Variants in RELL2 observed in about 807,000 individuals in gnomAD.
The protein encoded by RELL2 is RELT-like protein 2.
RELL2 carries 18 observed loss-of-function variants against 27.5 expected under a neutral mutation model. That is an observed-to-expected ratio of 0.65 (90% confidence interval 0.45 to 0.97). The LOEUF (loss-of-function observed/expected upper bound fraction) is 0.97, where lower values mean the gene tolerates loss of function less well. RELL2 is among the 50% of genes least tolerant of loss of function. The pLI is 0.00. For missense variants in RELL2, 370 were observed against 397.5 expected (o/e 0.93, Z 0.59); for synonymous variants, 156 against 147.5 (o/e 1.06, Z -0.42).
Position 141,638,179 on chromosome 5 carries a change from C to T in RELL2, c.-47C>T. ...CCTCCCCCATTCCCAGCTGCAGCCC[C>T]CTAAACCCAGGAGGCGCCCTGGCCC... On this transcript the variant is annotated 5_prime_UTR_variant, in exon 1 of 7. Coordinates refer to ENST00000297164, the MANE Select transcript of RELL2 (RefSeq NM_173828.5). The T allele has an allele frequency of 1.4e-6, 2 of 1,478,512 alleles. No homozygotes were observed. The highest frequency in any genetic ancestry group is 9.3e-7 in the Non-Finnish European group (1 of 1,073,982). The allele number at this position is 1,478,512 out of a possible 1,614,324, so 91.6% of individuals were successfully genotyped here.
Position 141,639,391 on chromosome 5 carries a change from G to C in RELL2, c.318-73G>C. 7.5e-7 allele frequency: 1 copy of C among 1,336,124 alleles called. No individual in the cohort carries two copies. The highest frequency in any genetic ancestry group is 1.4e-5 in the South Asian group (1 of 71,476). The allele number at this position is 1,336,124 out of a possible 1,614,324, so 82.8% of individuals were successfully genotyped here. On this transcript the variant is annotated intron_variant, in intron 3 of 6. Transcript: ENST00000297164. The surrounding 1 kb of genome is among the most constrained non-coding windows in gnomAD (Gnocchi z 4.4). ...CTTCTGGGGTTTTAAGGAGCATGCT[G>C]AAAGAACGTAAGAAACAAAACATGA... is the stretch of plus-strand genomic sequence containing the variant.
At chr5:141,638,538 T>A in intron 1 of RELL2, 129 bp downstream of exon 1, 1 of 913,926 alleles carries the variant, frequency 1.1e-6, no homozygotes, top group Non-Finnish European at 1.6e-6. Context: ...GATGCACTCT[T>A]GAGTTAGCAA....
In RELL2 at chr5:141,640,916, G is replaced by T; in HGVS notation, c.*247G>T. The T allele has an allele frequency of 1.9e-6, 1 of 540,484 alleles. No homozygotes were observed. Among genetic ancestry groups the T allele is most frequent in the Non-Finnish European group, 3.3e-6 (1 of 306,432 alleles). The allele number at this position is 540,484 out of a possible 1,614,324, so 33.5% of individuals were successfully genotyped here. On this transcript the variant is annotated 3_prime_UTR_variant, in exon 7 of 7. Coordinates refer to ENST00000297164, the MANE Select transcript of RELL2 (RefSeq NM_173828.5). ...CCAACACCTCGCTCCATATGATAGAGCGTGGCAGCTGGGAGCAGGCCCCTG... is the reference window on the plus strand; with the variant it reads ...CCAACACCTCGCTCCATATGATAGATCGTGGCAGCTGGGAGCAGGCCCCTG...
In RELL2 at chr5:141,640,809, G is replaced by A; in HGVS notation, c.*140G>A. 2.5e-6 allele frequency: 2 copies of A among 812,968 alleles called. No individual in the cohort carries two copies. Among genetic ancestry groups the A allele is most frequent in the Non-Finnish European group, 3.8e-6 (2 of 528,238 alleles). 50.4% of individuals were successfully genotyped at this position (812,968 alleles called of 1,614,324 possible). On this transcript the variant is annotated 3_prime_UTR_variant, in exon 7 of 7. Coordinates refer to ENST00000297164, the MANE Select transcript of RELL2 (RefSeq NM_173828.5). ...TTCCACCTGGAGTTGCACAGTCTCA[G>A]GCTGGGGGCCTCAGGAGAGGTCACA...
At position 141,639,471 on chromosome 5, in the gene RELL2, G is replaced by A; in HGVS notation, c.325G>A (p.Ala109Thr). ...EGTVQLSSVD[A>T]TSSLQDGAPS... ...CTCCTCCCTGCTGTCCAGTGTGGAT[G>A]CCACCTCCAGCCTGCAGGACGGAGC... The change falls in exon 4 of 7, where the codon GCC (alanine) becomes ACC (threonine). Residue 109 changes from alanine to threonine, a missense_variant. Coordinates refer to ENST00000297164, the MANE Select transcript of RELL2 (RefSeq NM_173828.5). This position sits in a 1 kb window ranked among gnomAD's most constrained non-coding sequence, Gnocchi z 4.4. 1 of 1,610,426 alleles carries A rather than the reference G, an allele frequency of 6.2e-7. No homozygotes were observed. The highest frequency in any genetic ancestry group is 8.5e-7 in the Non-Finnish European group (1 of 1,177,626).
Position 141,639,103 on chromosome 5 carries a change from C to T in RELL2, c.317+82C>T. 8.0e-7 allele frequency: 1 copy of T among 1,245,854 alleles called. No individual in the cohort carries two copies. The highest frequency in any genetic ancestry group is 1.5e-5 in the African/African-American group (1 of 67,008). 77.2% of individuals were successfully genotyped at this position (1,245,854 alleles called of 1,614,324 possible). A position where few individuals can be genotyped will look rare whatever the true frequency, so the allele number is the denominator to read the frequency against. On this transcript the variant is annotated intron_variant, in intron 3 of 6. Transcript: ENST00000297164. This position sits in a 1 kb window ranked among gnomAD's most constrained non-coding sequence, Gnocchi z 4.4. ...TCCAGCACAATCCTCTCCCAGCCTC[C>T]TTGCATGTATGGGGTTGGGGGAAGG...
At position 141,639,761 on chromosome 5, in the gene RELL2, G is replaced by A; in HGVS notation, c.503+112G>A. ...TCCTCCTGGACTGGGAGCTCCGGCAGAAGTCAGGCTACACAATGTGCCCCA... is the reference window on the plus strand; with the variant it reads ...TCCTCCTGGACTGGGAGCTCCGGCAAAAGTCAGGCTACACAATGTGCCCCA... On this transcript the variant is annotated intron_variant, in intron 4 of 6. Coordinates refer to ENST00000297164, the MANE Select transcript of RELL2 (RefSeq NM_173828.5). The surrounding 1 kb of genome is among the most constrained non-coding windows in gnomAD (Gnocchi z 4.4). 7.7e-7 allele frequency: 1 copy of A among 1,295,324 alleles called. No individual in the cohort carries two copies. Among genetic ancestry groups the A allele is most frequent in the Non-Finnish European group, 1.1e-6 (1 of 926,222 alleles). 80.2% of individuals were successfully genotyped at this position (1,295,324 alleles called of 1,614,324 possible).
At chr5:141,638,530 T>C (rs1209744751) in intron 1 of RELL2, 121 bp downstream of exon 1, 3 of 981,766 alleles carry the variant, frequency 3.1e-6, no homozygotes, top group Non-Finnish European at 4.5e-6. Context: ...AGCCTAGTGA[T>C]GCACTCTTGA....
chr5:141,640,475 A>G, intron 6 of RELL2, 30 bp downstream of exon 6: 1 of 1,614,024 alleles, frequency 6.2e-7, no homozygotes, highest in Non-Finnish European at 8.5e-7. Flanking sequence ...AAATGAGGTA[A>G]TCTCATCTTC....
chr5:141,639,816 C>G lies in RELL2; in HGVS notation c.504-104C>G, dbSNP rs1209790052. 7.3e-7 allele frequency: 1 copy of G among 1,371,876 alleles called. No homozygotes were observed. The highest frequency in any genetic ancestry group is 1.0e-6 in the Non-Finnish European group (1 of 974,820). 85.0% of individuals were successfully genotyped at this position (1,371,876 alleles called of 1,614,324 possible). A position where few individuals can be genotyped will look rare whatever the true frequency, so the allele number is the denominator to read the frequency against. On this transcript the variant is annotated intron_variant, in intron 4 of 6. Transcript: ENST00000297164. This position sits in a 1 kb window ranked among gnomAD's most constrained non-coding sequence, Gnocchi z 4.4. The stretch of plus-strand genomic sequence containing the variant: ...CTGAGAAGGCCTCCCCTACCTTAGG[C>G]CAGAGGGAAGTAGCCACCAAACTCA...
At position 141,639,983 on chromosome 5, in the gene RELL2, AGACAGGAGCTGGGGCTCTGGTGGGG is replaced by A; in HGVS notation, c.575_599del (p.Ser192ThrfsTer33). ...ACGAACACCGTGATGGCTCCCCCAC[AGACAGGAGCTGGGGCTCTGGTGGGG>A]GACAGGACCCAGGGGGTGGTCAGGG... On this transcript the variant is annotated frameshift_variant, in exon 5 of 7. Coordinates refer to ENST00000297164, the MANE Select transcript of RELL2 (RefSeq NM_173828.5). LOFTEE classifies it high-confidence loss of function. This position sits in a 1 kb window ranked among gnomAD's most constrained non-coding sequence, Gnocchi z 4.4. 6.2e-7 allele frequency: 1 copy of A among 1,613,764 alleles called. No homozygotes were observed. Among genetic ancestry groups the A allele is most frequent in the Non-Finnish European group, 8.5e-7 (1 of 1,179,856 alleles).
At position 141,639,080 on chromosome 5, in the gene RELL2, C is replaced by A; in HGVS notation, c.317+59C>A. 10 of 1,396,692 alleles carry A rather than the reference C, an allele frequency of 7.2e-6. No homozygotes were observed. The highest frequency in any genetic ancestry group is 1.2e-5 in the South Asian group (1 of 82,420). The allele number at this position is 1,396,692 out of a possible 1,614,324, so 86.5% of individuals were successfully genotyped here. ...TTGCCTTGGAGAGTATCCTCTCCTCCAGCACAATCCTCTCCCAGCCTCCTT... is the reference window on the plus strand; with the variant it reads ...TTGCCTTGGAGAGTATCCTCTCCTCAAGCACAATCCTCTCCCAGCCTCCTT... On this transcript the variant is annotated intron_variant, in intron 3 of 6. Coordinates refer to ENST00000297164, the MANE Select transcript of RELL2 (RefSeq NM_173828.5). The surrounding 1 kb of genome is among the most constrained non-coding windows in gnomAD (Gnocchi z 4.4).
intron 1 of RELL2, 25 bp from the exon 2 acceptor site, chr5:141,638,770 C>T: frequency 6.2e-7 from 1 of 1,609,114 alleles, no homozygotes; most frequent in Non-Finnish European, 8.5e-7. Flanking sequence ...TTCCTGCTTC[C>T]TTGCCAATCT....
At position 141,640,412 on chromosome 5, in the gene RELL2, G is replaced by A; in HGVS notation, c.880G>A (p.Val294Met). The A allele has an allele frequency of 1.2e-6, 2 of 1,614,146 alleles. No homozygotes were observed. The highest frequency in any genetic ancestry group is 1.7e-6 in the Non-Finnish European group (2 of 1,180,010). Residue 294 changes from valine (V) to methionine (M), a missense_variant and splice_region_variant, in exon 6 of 7, where the codon GTG becomes ATG. Val to Met is a conservative substitution (Grantham distance 21). Coordinates refer to ENST00000297164, the MANE Select transcript of RELL2 (RefSeq NM_173828.5). The stretch of plus-strand genomic sequence containing the variant: ...TGTTGACCCCTCCCCTTTCTCTCAG[G>A]TGTCTCTACCACAGGGAGCAGGGAG... ...PSKPDTSDHQ[V>M]SLPQGAGSM
In RELL2 at chr5:141,639,312, A is replaced by G. The variant is rs2099906566; in HGVS notation, c.318-152A>G. On this transcript the variant is annotated intron_variant, in intron 3 of 6. Transcript: ENST00000297164. This position sits in a 1 kb window ranked among gnomAD's most constrained non-coding sequence, Gnocchi z 4.4. The stretch of plus-strand genomic sequence containing the variant: ...AGAACATATGGTCACTAACATCTTA[A>G]TATTGAGTTTATTAGATAAAGACAA... The G allele has an allele frequency of 1.5e-6, 1 of 648,260 alleles. No homozygotes were observed. The highest frequency in any genetic ancestry group is 2.6e-6 in the Non-Finnish European group (1 of 382,246). The allele number at this position is 648,260 out of a possible 1,614,324, so 40.2% of individuals were successfully genotyped here.
In RELL2 at chr5:141,638,159, C is replaced by T; in HGVS notation, c.-67C>T. On this transcript the variant is annotated 5_prime_UTR_variant, in exon 1 of 7. Coordinates refer to ENST00000297164, the MANE Select transcript of RELL2 (RefSeq NM_173828.5). The stretch of plus-strand genomic sequence containing the variant: ...CTGAGGACGGCATTCCTACCCCTCC[C>T]CCATTCCCAGCTGCAGCCCCCTAAA... 9.9e-7 allele frequency: 1 copy of T among 1,010,964 alleles called. No individual in the cohort carries two copies. The highest frequency in any genetic ancestry group is 1.5e-6 in the Non-Finnish European group (1 of 665,650). The allele number at this position is 1,010,964 out of a possible 1,614,324, so 62.6% of individuals were successfully genotyped here. A position where few individuals can be genotyped will look rare whatever the true frequency, so the allele number is the denominator to read the frequency against.
rs1374332400 is a variant in RELL2, at chr5:141,638,781, C to A, written c.185-14C>A. On this transcript the variant is annotated splice_polypyrimidine_tract_variant and intron_variant, in intron 1 of 6. Transcript: ENST00000297164. ...CTCATTCCTGCTTCCTTGCCAATCT[C>A]TTTCATCCTTCAGCTGAGGACGATG... is the stretch of plus-strand genomic sequence containing the variant. The A allele has an allele frequency of 6.2e-7, 1 of 1,612,678 alleles. No individual in the cohort carries two copies. Among genetic ancestry groups the A allele is most frequent in the Non-Finnish European group, 8.5e-7 (1 of 1,178,752 alleles).
Position 141,639,719 on chromosome 5 carries a change from AGTG to A in RELL2, c.503+72_503+74del, listed in dbSNP as rs2099906604. Reference sequence around the variant, plus strand: ...CAGTGATCAGGCACCTGATCCCAAAAGTGGGCCTTGGCTCTTTCCTCCTGGACT... The same window carrying A: ...CAGTGATCAGGCACCTGATCCCAAAAGGCCTTGGCTCTTTCCTCCTGGACT... On this transcript the variant is annotated intron_variant, in intron 4 of 6. Coordinates refer to ENST00000297164, the MANE Select transcript of RELL2 (RefSeq NM_173828.5). The surrounding 1 kb of genome is among the most constrained non-coding windows in gnomAD (Gnocchi z 4.4). 2.0e-6 allele frequency: 3 copies of A among 1,469,024 alleles called. No individual in the cohort carries two copies. Among genetic ancestry groups the A allele is most frequent in the Non-Finnish European group, 2.8e-6 (3 of 1,080,108 alleles). The allele number at this position is 1,469,024 out of a possible 1,614,324, so 91.0% of individuals were successfully genotyped here.
At position 141,638,139 on chromosome 5, in the gene RELL2, G is replaced by T. The variant is rs1192840239; in HGVS notation, c.-87G>T. On this transcript the variant is annotated 5_prime_UTR_variant, in exon 1 of 7. Coordinates refer to ENST00000297164, the MANE Select transcript of RELL2 (RefSeq NM_173828.5). Reference sequence around the variant, plus strand: ...AGACGTGCTTGTTTCAGATCCTGAGGACGGCATTCCTACCCCTCCCCCATT... The same window carrying T: ...AGACGTGCTTGTTTCAGATCCTGAGTACGGCATTCCTACCCCTCCCCCATT... 3.7e-6 allele frequency: 3 copies of T among 813,688 alleles called. No homozygotes were observed. Among genetic ancestry groups the T allele is most frequent in the South Asian group, 1.6e-5 (1 of 62,706 alleles). The allele number at this position is 813,688 out of a possible 1,614,324, so 50.4% of individuals were successfully genotyped here.
Sources: gnomAD v4.1 joint callset for allele counts on GRCh38, gnomAD v4.1.1 for gene constraint, Gnocchi (gnomAD v3.1) non-coding constraint, MANE v1.5 for transcripts, NCBI Gene and HGNC (gene_info 2026-07-23, HGNC 2026-07-21) for gene names.